Variants in AFAP1 observed in about 807,000 individuals in gnomAD.
AFAP1 encodes actin filament associated protein 1.
AFAP1 carries 75 observed loss-of-function variants against 93.9 expected under a neutral mutation model. The observed-to-expected ratio is 0.80, with a 90% CI of 0.66 to 0.97. The LOEUF is 0.97. Among genes scored for constraint, AFAP1 ranks in the 50% least tolerant of loss-of-function variants. AFAP1 has a pLI of 0.00. For synonymous variants in AFAP1, 517 were observed against 430.7 expected, an observed-to-expected ratio of 1.20 and a Z score of -2.48; for missense variants, 1,201 against 1,050.8, an observed-to-expected ratio of 1.14 and a Z score of -1.98.
chr4:7,871,947 C>A lies in AFAP1; in HGVS notation c.127+5G>T. Reference sequence around the variant, plus strand: ...AGGAAAAGCAGGCGTCAGAATGAGACTCACCTTTGGATGACTGTATTCTTA... The same window carrying A: ...AGGAAAAGCAGGCGTCAGAATGAGAATCACCTTTGGATGACTGTATTCTTA... On this transcript the variant is annotated splice_donor_5th_base_variant and intron_variant, in intron 2 of 17. Coordinates refer to ENST00000420658, the MANE Select transcript of AFAP1 (RefSeq NM_001134647.2). 6.2e-7 allele frequency: 1 copy of A among 1,614,072 alleles called. No individual in the cohort carries two copies. The highest frequency in any genetic ancestry group is 8.5e-7 in the Non-Finnish European group (1 of 1,180,002).
intron 4 of AFAP1, among the ~76,000 whole-genome samples, chr4:7,844,041 C>T (rs1226211865): frequency 6.6e-6 from 1 of 152,156 alleles, no homozygotes; most frequent in Non-Finnish European, 1.5e-5. Flanking sequence ...ACTCGCCCTC[C>T]TGCCTTTGCC....
chr4:7,777,353 G>C (rs1432192135), intron 14 of AFAP1: 1 of 152,274 alleles, frequency 6.6e-6, no homozygotes, highest in Admixed American at 6.5e-5. Context: ...ATGTTGGGTA[G>C]AACAGAGGTG....
rs535513825 is a variant in AFAP1, at chr4:7,832,784, A to T, written c.726+5740T>A. On this transcript the variant is annotated intron_variant, in intron 6 of 17. Transcript: ENST00000420658. ...ACAGTATAAGGCCATAGTCATCAAA[A>T]CAAAACAGCATGGTACTGGTATAAA... 4.6e-5 allele frequency among the ~76,000 whole-genome samples: 7 copies of T among 152,326 alleles called. No individual in the cohort carries two copies. The South Asian group carries it at 1.5e-3, about 32-fold the overall frequency.
chr4:7,784,400 G>A (rs1267796136), intron 12 of AFAP1, among the ~76,000 whole-genome samples: 3 of 152,060 alleles, frequency 2.0e-5, no homozygotes, highest in Non-Finnish European at 4.4e-5. Context: ...TTCCCTCCCA[G>A]GTCCACTCAC....
At chr4:7,880,155 C>CA (rs1430411458) in intron 1 of AFAP1, among the ~76,000 whole-genome samples, 1 of 151,668 alleles carries the variant, frequency 6.6e-6, no homozygotes, top group Non-Finnish European at 1.5e-5. Context: ...TTTATTTCAA[C>CA]AAAATCAAAG....
chr4:7,858,456 C>G (rs1715317736), intron 3 of AFAP1, among the ~76,000 whole-genome samples: 1 of 152,170 alleles, frequency 6.6e-6, no homozygotes, highest in Non-Finnish European at 1.5e-5. Context: ...TCAGACACTT[C>G]AGGCTTGTTA....
In AFAP1 at chr4:7,923,176, G is replaced by A. The variant is rs181738104; in HGVS notation, c.-3+16480C>T. 3.3e-5 allele frequency among the ~76,000 whole-genome samples: 5 copies of A among 152,270 alleles called. No homozygotes were observed. In the East Asian group the frequency reaches 9.7e-4, roughly 29 times the overall value. On this transcript the variant is annotated intron_variant, in intron 1 of 17. Transcript: ENST00000420658. ...CATAAGCAAAGGCCCTGGGCTCACA[G>A]CACTATCTTTATATAAAGGAATGGA...
rs1192655574 is a variant in AFAP1, at chr4:7,772,853, G to A, written c.2220C>T (p.Ala740=). Residue 740 remains alanine, a synonymous_variant, in exon 16 of 18, where the codon GCC becomes GCT. Coordinates refer to ENST00000420658, the MANE Select transcript of AFAP1 (RefSeq NM_001134647.2). ...TCGATGTCCCTGACTTGGGCTCGAT[G>A]GCCAGCCCCAGGGTGACTCCGCCCG... ...ALAGGVTLGL[A]IEPKSGTSSP... The A allele has an allele frequency of 3.7e-6, 6 of 1,613,902 alleles. No homozygotes were observed. The highest frequency in any genetic ancestry group is 2.7e-5 in the African/African-American group (2 of 74,936).
rs184232804 is a variant in AFAP1, at chr4:7,843,622, G to A, written c.335-272C>T. ...CTGTTTCATATGGACGGGACCCCAC[G>A]CTGACCCGACACTGACTCCTCACCA... On this transcript the variant is annotated intron_variant, in intron 4 of 17. Transcript: ENST00000420658. 934 of 360,966 alleles carry A rather than the reference G, an allele frequency of 2.6e-3. 6 individuals are homozygous for A. The highest frequency in any genetic ancestry group is 0.018 in the Middle Eastern group (21 of 1,182). The allele number at this position is 360,966 out of a possible 1,614,324, so 22.4% of individuals were successfully genotyped here. A position where few individuals can be genotyped will look rare whatever the true frequency, so the allele number is the denominator to read the frequency against.
chr4:7,779,866 A>G (rs531027586), intron 13 of AFAP1, among the ~76,000 whole-genome samples: 1 of 152,368 alleles, frequency 6.6e-6, no homozygotes, highest in Non-Finnish European at 1.5e-5. Flanking sequence ...GGTTCCCATT[A>G]AAATGACCAA....
chr4:7,823,412 TA>T (rs1721147106), intron 6 of AFAP1, among the ~76,000 whole-genome samples: 1 of 152,102 alleles, frequency 6.6e-6, no homozygotes, highest in Non-Finnish European at 1.5e-5. Context: ...CACTGGTTTC[TA>T]AAATCCTCAA....
At chr4:7,847,793 C>CGTGG (rs1553845891) in intron 4 of AFAP1, among the ~76,000 whole-genome samples, 1 of 102,004 alleles carries the variant, frequency 9.8e-6, no homozygotes, top group Non-Finnish European at 2.2e-5. Flanking sequence ...CAGGGGTACT[C>CGTGG]GGGGTGGGGC....
rs1428481250 is a variant in AFAP1, at chr4:7,763,059, T to A, written c.*706A>T. 6.6e-6 allele frequency: 1 copy of A among 152,468 alleles called. No individual in the cohort carries two copies. Among genetic ancestry groups the A allele is most frequent in the Non-Finnish European group, 1.5e-5 (1 of 68,040 alleles). 9.4% of individuals were successfully genotyped at this position (152,468 alleles called of 1,614,324 possible). A position where few individuals can be genotyped will look rare whatever the true frequency, so the allele number is the denominator to read the frequency against. ...AAAATAAGGAACCTCTGAAAACTCC[T>A]TGATCTAAGTGTGACACACAGTAAA... On this transcript the variant is annotated 3_prime_UTR_variant, in exon 18 of 18. Coordinates refer to ENST00000420658, the MANE Select transcript of AFAP1 (RefSeq NM_001134647.2).
chr4:7,761,612 C>G lies in AFAP1; in HGVS notation c.*2153G>C, dbSNP rs1291817097. The G allele has an allele frequency of 6.6e-6, 1 of 152,254 alleles. No homozygotes were observed. 9.4% of individuals were successfully genotyped at this position (152,254 alleles called of 1,614,324 possible). A position where few individuals can be genotyped will look rare whatever the true frequency, so the allele number is the denominator to read the frequency against. On this transcript the variant is annotated 3_prime_UTR_variant, in exon 18 of 18. Transcript: ENST00000420658. ...GGCTGGCCATCTCCCCCTTCTCTTA[C>G]TAACCACCAAAACCTCACACAGTTC...
chr4:7,837,056 C>T (rs755350155), intron 6 of AFAP1, among the ~76,000 whole-genome samples: 1 of 152,146 alleles, frequency 6.6e-6, no homozygotes, highest in Admixed American at 6.5e-5. Flanking sequence ...CACTGTCAAA[C>T]CACCATGCTG....
intron 1 of AFAP1, among the ~76,000 whole-genome samples, chr4:7,914,721 G>A (rs1719974527): frequency 6.6e-6 from 1 of 152,078 alleles, no homozygotes; most frequent in Non-Finnish European, 1.5e-5. Context: ...CCTCCATACT[G>A]TTTTCCATAG....
At chr4:7,778,425 C>G (rs116436993) in intron 14 of AFAP1, 5 of 395,776 alleles carry the variant, frequency 1.3e-5, no homozygotes, top group African/African-American at 1.0e-4. Context: ...TTGACAACCA[C>G]AGATCAGGGA....
chr4:7,837,772 A>G (rs1225553712), intron 6 of AFAP1, among the ~76,000 whole-genome samples: 1 of 152,216 alleles, frequency 6.6e-6, no homozygotes, highest in African/African-American at 2.4e-5. Flanking sequence ...TAATCCCAGC[A>G]CTTTGGGAGG....
chr4:7,840,758 T>C (rs543311803), intron 5 of AFAP1, among the ~76,000 whole-genome samples: 1 of 152,314 alleles, frequency 6.6e-6, no homozygotes, highest in East Asian at 1.9e-4. Context: ...ATTTGAGATT[T>C]TCTGCATTTT....
Sources: gnomAD v4.1 joint callset for allele counts (sites outside exome capture counted in the v4.1 genomes callset) on GRCh38, gnomAD v4.1.1 for gene constraint, MANE v1.5 for transcripts, NCBI Gene and HGNC (gene_info 2026-07-23, HGNC 2026-07-21) for gene names.